The following RASGRF2 variants were observed in gnomAD, a reference collection of about 807,000 sequenced individuals.
RASGRF2 encodes the protein Ras protein specific guanine nucleotide releasing factor 2, also known as ras-specific guanine nucleotide-releasing factor 2.
Under a neutral mutation model 151.0 loss-of-function variants are expected in RASGRF2, and 76 were observed. That is an observed-to-expected ratio of 0.50 (90% CI 0.42 to 0.61). RASGRF2 has a LOEUF of 0.61. Ranked by LOEUF, RASGRF2 falls within the 20% of genes least tolerant of loss-of-function variation. The pLI is 0.00. For synonymous variants in RASGRF2, 504 were observed against 566.5 expected (o/e 0.89, Z 1.57); for missense variants, 1,148 against 1,564.6 (o/e 0.73, Z 4.49).
At chr5:81,010,268 C>G (rs376345344) in intron 1 of RASGRF2, among the ~76,000 whole-genome samples, 1 of 151,948 alleles carries the variant, frequency 6.6e-6, no homozygotes, top group Non-Finnish European at 1.5e-5. Flanking sequence ...AATTTTGCCT[C>G]TCTGTATTTT....
chr5:81,065,336 T>A (rs931668832), intron 2 of RASGRF2, among the ~76,000 whole-genome samples: 5 of 152,176 alleles, frequency 3.3e-5, no homozygotes, highest in African/African-American at 1.2e-4. Flanking sequence ...ATGAATACAG[T>A]GTATTTTATT....
rs1264799764 is a variant in RASGRF2, at chr5:81,113,919, A to G, written c.2469A>G (p.Lys823=). The change falls in exon 15 of 27, where the codon AAA becomes AAG. Residue 823 remains lysine (K), a splice_region_variant and synonymous_variant. Coordinates refer to ENST00000265080, the MANE Select transcript of RASGRF2 (RefSeq NM_006909.3). Reference sequence around the variant, plus strand: ...ACAAGCTAAAACGAAGTATTCAAAAAGGTATTATCTAGCACATTTGCATAA... The same window carrying G: ...ACAAGCTAAAACGAAGTATTCAAAAGGGTATTATCTAGCACATTTGCATAA... ...LCNKLKRSIQ[K]AVLESAPADR... The G allele has an allele frequency of 3.1e-6, 5 of 1,612,234 alleles. No individual in the cohort carries two copies. The highest frequency in any genetic ancestry group is 4.2e-6 in the Non-Finnish European group (5 of 1,178,844).
intron 19 of RASGRF2, among the ~76,000 whole-genome samples, chr5:81,202,961 C>T (rs1207368195): frequency 2.0e-5 from 3 of 152,244 alleles, no homozygotes; most frequent in South Asian, 2.1e-4. Flanking sequence ...TGAGACAATA[C>T]ATTTCTGTTG....
chr5:81,100,990 G>A (rs943244600), intron 12 of RASGRF2, among the ~76,000 whole-genome samples: 11 of 152,104 alleles, frequency 7.2e-5, no homozygotes, highest in Non-Finnish European at 1.5e-4. Flanking sequence ...GAAGTCACTC[G>A]CAACACTTGT....
At chr5:81,081,484 C>G (rs1040951821) in intron 7 of RASGRF2, among the ~76,000 whole-genome samples, 2 of 152,282 alleles carry the variant, frequency 1.3e-5, no homozygotes, top group South Asian at 2.1e-4. Flanking sequence ...AAGTGAGAAC[C>G]AGGGAGGCCA....
intron 10 of RASGRF2, 66 bp from the exon 11 acceptor site, chr5:81,094,230 C>A: frequency 7.5e-7 from 1 of 1,326,554 alleles, no homozygotes; most frequent in Middle Eastern, 2.3e-4. Context: ...ATAGTGTTTA[C>A]AAATCAGAGC....
chr5:80,999,931 G>A (rs994976381), intron 1 of RASGRF2, among the ~76,000 whole-genome samples: 1 of 152,142 alleles, frequency 6.6e-6, no homozygotes, highest in Non-Finnish European at 1.5e-5. Context: ...ACTTTATTAT[G>A]TTCACAGATT....
intron 1 of RASGRF2, among the ~76,000 whole-genome samples, chr5:81,001,992 T>G (rs1434794122): frequency 6.6e-6 from 1 of 152,220 alleles, no homozygotes; most frequent in Non-Finnish European, 1.5e-5. Context: ...TTTGGTCAGT[T>G]TATCTACGAA....
chr5:81,184,929 T>A (rs533597922), intron 18 of RASGRF2, among the ~76,000 whole-genome samples: 2 of 152,218 alleles, frequency 1.3e-5, no homozygotes, highest in Non-Finnish European at 2.9e-5. Flanking sequence ...CTTAACGTAA[T>A]TATGTGTGTG....
intron 15 of RASGRF2, among the ~76,000 whole-genome samples, chr5:81,117,851 A>G (rs1262233319): frequency 6.6e-6 from 1 of 152,212 alleles, no homozygotes. Context: ...GTAAAAGGGA[A>G]AAGTAGGCAA....
At chr5:81,225,649 A>C in intron 26 of RASGRF2, 29 bp from the exon 27 acceptor site, 4 of 1,610,412 alleles carry the variant, frequency 2.5e-6, no homozygotes, top group Non-Finnish European at 3.4e-6. Flanking sequence ...TGAAAGAGGT[A>C]AAAGCTGGGA....
At chr5:81,125,604 A>T (rs956594671) in intron 16 of RASGRF2, among the ~76,000 whole-genome samples, 1 of 152,202 alleles carries the variant, frequency 6.6e-6, no homozygotes, top group Non-Finnish European at 1.5e-5. Flanking sequence ...TGTAACCTGG[A>T]AGAGTTTGGG....
chr5:80,995,684 T>TCTCCCCCCCCC (rs1690899468), intron 1 of RASGRF2, among the ~76,000 whole-genome samples: 1 of 69,476 alleles, frequency 1.4e-5, no homozygotes, highest in Admixed American at 2.3e-4. Context: ...TTCCTTTCCT[T>TCTCCCCCCCCC]CCCCCCCCCT....
At chr5:80,962,754 G>T (rs1193506372) in intron 1 of RASGRF2, among the ~76,000 whole-genome samples, 1 of 151,874 alleles carries the variant, frequency 6.6e-6, no homozygotes, top group East Asian at 1.9e-4. Context: ...TTTCTTTCTT[G>T]CACTTTAATA....
intron 2 of RASGRF2, among the ~76,000 whole-genome samples, chr5:81,065,374 C>T (rs1406671699): frequency 6.6e-6 from 1 of 152,104 alleles, no homozygotes; most frequent in Non-Finnish European, 1.5e-5. Flanking sequence ...CCTTTCCCTT[C>T]TTGGTTCTCC....
chr5:81,123,511 T>C (rs1561218436), intron 15 of RASGRF2, 131 bp from the exon 16 acceptor site: 3 of 1,150,210 alleles, frequency 2.6e-6, no homozygotes, highest in African/African-American at 3.1e-5. Context: ...AGTACTTGAC[T>C]TGATTTCATA....
At chr5:81,039,049 A>G (rs1279780397) in intron 1 of RASGRF2, among the ~76,000 whole-genome samples, 2 of 152,192 alleles carry the variant, frequency 1.3e-5, no homozygotes, top group African/African-American at 4.8e-5. Context: ...CTTGTTTAAC[A>G]AATACTTTTC....
At chr5:81,108,297 G>A (rs1752899024) in intron 12 of RASGRF2, among the ~76,000 whole-genome samples, 1 of 152,120 alleles carries the variant, frequency 6.6e-6, no homozygotes, top group Admixed American at 6.5e-5. Flanking sequence ...AAATTGATAA[G>A]GCATAGATTA....
chr5:81,182,494 A>AT (rs750730550), intron 18 of RASGRF2, among the ~76,000 whole-genome samples: 6 of 151,788 alleles, frequency 4.0e-5, no homozygotes, highest in Non-Finnish European at 5.9e-5. Context: ...GCTTTAGGGC[A>AT]TTTTTTTTCT....
Sources: gnomAD v4.1 joint callset for allele counts (sites outside exome capture counted in the v4.1 genomes callset) on GRCh38, gnomAD v4.1.1 for gene constraint, MANE v1.5 for transcripts, NCBI Gene and HGNC (gene_info 2026-07-23, HGNC 2026-07-21) for gene names.